Variants in DMRT1 observed in about 807,000 individuals in gnomAD.
DMRT1 encodes the protein doublesex and mab-3 related transcription factor 1.
In DMRT1, 7 loss-of-function variants were observed where a neutral mutation model predicts 32.3. The observed-to-expected ratio is 0.22, with a 90% CI of 0.12 to 0.41. DMRT1 has a LOEUF of 0.41. Among genes scored for constraint, DMRT1 ranks in the 10% least tolerant of loss-of-function variants. The pLI, the probability that DMRT1 is intolerant of heterozygous loss-of-function variation, is 1.00. For missense variants in DMRT1, 625 were observed against 500.5 expected (o/e 1.25, Z -2.37); for synonymous variants, 278 against 206.1 (o/e 1.35, Z -2.99).
At chr9:904,032 AG>A (rs1817682792) in intron 3 of DMRT1, among the ~76,000 whole-genome samples, 1 of 152,256 alleles carries the variant, frequency 6.6e-6, no homozygotes, top group African/African-American at 2.4e-5. Flanking sequence ...GATGTACTCC[AG>A]GGACTACTTC....
intron 4 of DMRT1, among the ~76,000 whole-genome samples, chr9:919,411 T>C (rs1157030455): frequency 1.3e-5 from 1 of 75,306 alleles, no homozygotes; most frequent in Non-Finnish European, 2.7e-5. Flanking sequence ...ATAAATGGAA[T>C]GTTGGGCGGG....
intron 2 of DMRT1, among the ~76,000 whole-genome samples, chr9:862,194 C>T (rs1369005305): frequency 2.0e-5 from 3 of 151,438 alleles, no homozygotes; most frequent in African/African-American, 7.3e-5. Flanking sequence ...CACGCCACTG[C>T]ACTCCAGCCT....
intron 4 of DMRT1, among the ~76,000 whole-genome samples, chr9:962,339 G>C (rs934047046): frequency 6.6e-6 from 1 of 152,118 alleles, no homozygotes; most frequent in Admixed American, 6.5e-5. Flanking sequence ...TTGCTGACAG[G>C]CAAGAAGGGT....
chr9:945,075 T>C (rs779440052), intron 4 of DMRT1, among the ~76,000 whole-genome samples: 5 of 152,208 alleles, frequency 3.3e-5, no homozygotes, highest in Admixed American at 2.6e-4. Context: ...CTTTGCAAAA[T>C]AGCATTTTCA....
chr9:891,379 A>C (rs889020111), intron 2 of DMRT1, among the ~76,000 whole-genome samples: 3 of 151,796 alleles, frequency 2.0e-5, no homozygotes, highest in African/African-American at 7.3e-5. Context: ...TGAGCCCAGA[A>C]GGAGGAAGTT....
In DMRT1 at chr9:861,807, G is replaced by T. The variant is rs71488156; in HGVS notation, c.538+14664G>T. On this transcript the variant is annotated intron_variant, in intron 2 of 4. Coordinates refer to ENST00000382276, the MANE Select transcript of DMRT1 (RefSeq NM_021951.3). Reference sequence around the variant, plus strand: ...TCCCAGACGGGGCGGCTGCCGGGCGGGGGGGGGCTCCTTCAGACGGGGCGG... The same window carrying T: ...TCCCAGACGGGGCGGCTGCCGGGCGTGGGGGGGCTCCTTCAGACGGGGCGG... Among the ~76,000 whole-genome samples, 13 of 8,744 alleles carry T rather than the reference G, an allele frequency of 1.5e-3. 1 individual carries two copies. Among genetic ancestry groups the T allele is most frequent in the Non-Finnish European group, 3.1e-3 (7 of 2,266 alleles). 5.7% of individuals were successfully genotyped at this position (8,744 alleles called of 152,430 possible).
intron 4 of DMRT1, among the ~76,000 whole-genome samples, chr9:961,402 G>C (rs1819769056): frequency 6.6e-6 from 1 of 152,160 alleles, no homozygotes; most frequent in East Asian, 1.9e-4. Flanking sequence ...CCAACTTTTA[G>C]GACAAACTTA....
intron 2 of DMRT1, among the ~76,000 whole-genome samples, chr9:849,541 G>A (rs1589445311): frequency 6.6e-6 from 1 of 152,184 alleles, no homozygotes; most frequent in Non-Finnish European, 1.5e-5. Context: ...GCAGAGTTCA[G>A]AACGACTCTC....
chr9:932,665 G>T (rs896313156), intron 4 of DMRT1, among the ~76,000 whole-genome samples: 5 of 151,974 alleles, frequency 3.3e-5, no homozygotes, highest in African/African-American at 1.2e-4. Context: ...CCACAAAACT[G>T]CCCCCATTTT....
rs199532456 is a variant in DMRT1, at chr9:906,349, ACAC to A, written c.823-10412_823-10410del. On this transcript the variant is annotated intron_variant, in intron 3 of 4. Transcript: ENST00000382276. Reference sequence around the variant, plus strand: ...GGCTCTCATGTTCTGTGCTCATAAGACACCCTTCACACTGCTGATTTATGCTAA... The same window carrying A: ...GGCTCTCATGTTCTGTGCTCATAAGACCTTCACACTGCTGATTTATGCTAA... Among the ~76,000 whole-genome samples, 1,061 of 152,290 alleles carry A rather than the reference ACAC, an allele frequency of 7.0e-3. 9 individuals carry two copies. The highest frequency in any genetic ancestry group is 0.017 in the South Asian group (82 of 4,824).
In DMRT1 at chr9:916,792, G is replaced by A. The variant is rs1433988190; in HGVS notation, c.852G>A (p.Met284Ile). Residue 284 changes from methionine to isoleucine, a missense_variant, in exon 4 of 5, where the codon ATG becomes ATA. Physicochemically the swap from Met to Ile is conservative, Grantham distance 10. Around this residue, in one of 3 missense-constraint regions of DMRT1, gnomAD observed 416 missense variants for 321.6 expected, o/e 1.29. Coordinates refer to ENST00000382276, the MANE Select transcript of DMRT1 (RefSeq NM_021951.3). ...QMKNMENRHA[M>I]SSQYRMHSYY... ...AGAACATGGAGAACCGCCATGCAAT[G>A]AGCTCCCAGTACAGGATGCATTCTT... 1.2e-6 allele frequency: 2 copies of A among 1,614,178 alleles called. No individual in the cohort carries two copies. Among genetic ancestry groups the A allele is most frequent in the South Asian group, 2.2e-5 (2 of 91,078 alleles).
intron 4 of DMRT1, among the ~76,000 whole-genome samples, chr9:930,480 C>T (rs555623265): frequency 4.5e-4 from 69 of 151,874 alleles, no homozygotes; most frequent in Non-Finnish European, 9.1e-4. Context: ...GGTGCGATCT[C>T]GGCTCACTGC....
At chr9:851,442 T>C (rs1411449884) in intron 2 of DMRT1, among the ~76,000 whole-genome samples, 1 of 152,094 alleles carries the variant, frequency 6.6e-6, no homozygotes, top group Non-Finnish European at 1.5e-5. Context: ...TTTCACCATG[T>C]TGGTCAGGCT....
rs148916389 is a variant in DMRT1 at position 937,237 on chromosome 9, C to G, written c.967+20330C>G. Among the ~76,000 whole-genome samples the G allele has an allele frequency of 3.5e-3, 540 of 152,254 alleles. 3 individuals are homozygous for G. The highest frequency in any genetic ancestry group is 0.013 in the African/African-American group (524 of 41,546). On this transcript the variant is annotated intron_variant, in intron 4 of 4. Transcript: ENST00000382276. ...CCTGTGTGCGCCTTCTTTTGTTTATCTGTTCTTCTGTTGATGGGCACTTGG... is the reference window on the plus strand; with the variant it reads ...CCTGTGTGCGCCTTCTTTTGTTTATGTGTTCTTCTGTTGATGGGCACTTGG...
rs1341726427 is a variant in DMRT1 at position 968,173 on chromosome 9, G to GT, written c.*35dup. ...TGCTGCCGATGGCGGTTCACTTGGA[G>GT]TAACAGGCTTATTCCACTTTCCATG... On this transcript the variant is annotated 3_prime_UTR_variant, in exon 5 of 5. Coordinates refer to ENST00000382276, the MANE Select transcript of DMRT1 (RefSeq NM_021951.3). 1 of 1,612,200 alleles carries GT rather than the reference G, an allele frequency of 6.2e-7. No individual in the cohort carries two copies. Among genetic ancestry groups the GT allele is most frequent in the Admixed American group, 1.7e-5 (1 of 59,978 alleles).
At chr9:964,107 C>T (rs915220658) in intron 4 of DMRT1, among the ~76,000 whole-genome samples, 2 of 152,142 alleles carry the variant, frequency 1.3e-5, no homozygotes, top group African/African-American at 2.4e-5. Flanking sequence ...GAGAATTATT[C>T]GTTCCAGTCC....
chr9:865,891 C>A (rs147500237), intron 2 of DMRT1, among the ~76,000 whole-genome samples: 3 of 152,100 alleles, frequency 2.0e-5, no homozygotes, highest in African/African-American at 7.2e-5. Context: ...GGGCAGCGCA[C>A]GGTGGCTCAC....
Position 864,872 on chromosome 9 carries a change from G to T in DMRT1, c.538+17729G>T, listed in dbSNP as rs567224999. Among the ~76,000 whole-genome samples the T allele has an allele frequency of 1.1e-3, 45 of 40,390 alleles. No individual in the cohort carries two copies. The East Asian group carries it at 0.031, about 28-fold the overall frequency. The allele number at this position is 40,390 out of a possible 152,430, so 26.5% of individuals were successfully genotyped here. A position where few individuals can be genotyped will look rare whatever the true frequency, so the allele number is the denominator to read the frequency against. The stretch of plus-strand genomic sequence containing the variant: ...GTAGGTCTCAAGTTTTAAGCCAAAA[G>T]CTTCGACTAAACCATTTCATAGTTA... On this transcript the variant is annotated intron_variant, in intron 2 of 4. Transcript: ENST00000382276.
chr9:907,699 T>A (rs1482804595), intron 3 of DMRT1, among the ~76,000 whole-genome samples: 7 of 152,192 alleles, frequency 4.6e-5, no homozygotes, highest in Non-Finnish European at 1.0e-4. Flanking sequence ...AATGACAAGT[T>A]TTGTAGAACA....
Sources: allele counts gnomAD v4.1 joint callset (sites outside exome capture counted in the v4.1 genomes callset), GRCh38; gene constraint gnomAD v4.1.1; regional missense constraint gnomAD v4.1.1; transcripts MANE v1.5; gene names NCBI Gene and HGNC (gene_info 2026-07-23, HGNC 2026-07-21).